The following TMEFF2 variants were observed in gnomAD, a reference collection of about 807,000 sequenced individuals.
The protein encoded by TMEFF2 is transmembrane protein with EGF like and two follistatin like domains 2, also known as tomoregulin-2.
A neutral mutation model predicts 53.8 loss-of-function variants in TMEFF2; 28 were observed. That is an observed-to-expected ratio of 0.52 (90% CI 0.39 to 0.71). TMEFF2 has a LOEUF of 0.71. Among genes scored for constraint, TMEFF2 ranks in the 30% least tolerant of loss-of-function variants. TMEFF2 has a pLI of 0.00. For missense variants in TMEFF2, 353 were observed against 455.2 expected, an observed-to-expected ratio of 0.78 and a Z score of 2.04; for synonymous variants, 162 against 166.3, an observed-to-expected ratio of 0.97 and a Z score of 0.20.
At chr2:191,961,339 C>T (rs978079225) in intron 7 of TMEFF2, among the ~76,000 whole-genome samples, 3 of 152,130 alleles carry the variant, frequency 2.0e-5, no homozygotes, top group Admixed American at 6.6e-5. Context: ...TTTCAACTAT[C>T]TTTTGCTGTT....
At chr2:192,108,573 C>T (rs1273717196) in intron 4 of TMEFF2, among the ~76,000 whole-genome samples, 2 of 151,720 alleles carry the variant, frequency 1.3e-5, no homozygotes, top group Non-Finnish European at 2.9e-5. Context: ...GAAAAATTAA[C>T]AATGAGAGGA....
chr2:191,971,353 A>T (rs1269822955), intron 7 of TMEFF2, among the ~76,000 whole-genome samples: 1 of 152,216 alleles, frequency 6.6e-6, no homozygotes, highest in Non-Finnish European at 1.5e-5. Context: ...ATTTGGAGAG[A>T]GTCAAACTTC....
intron 7 of TMEFF2, among the ~76,000 whole-genome samples, chr2:191,984,865 T>TTA (rs955100960): frequency 6.6e-6 from 1 of 151,956 alleles, no homozygotes; most frequent in Non-Finnish European, 1.5e-5. Context: ...ATTTGAAGCT[T>TTA]TATATATATA....
intron 4 of TMEFF2, among the ~76,000 whole-genome samples, chr2:192,154,681 C>G (rs1209825997): frequency 6.6e-6 from 1 of 151,902 alleles, no homozygotes; most frequent in Non-Finnish European, 1.5e-5. Flanking sequence ...GTTCTTTTCT[C>G]TCTTTTCTCT....
At chr2:192,087,027 A>G (rs2105930719) in intron 4 of TMEFF2, among the ~76,000 whole-genome samples, 1 of 150,488 alleles carries the variant, frequency 6.6e-6, no homozygotes, top group East Asian at 1.9e-4. Context: ...AGATATTTGT[A>G]TTTAATATAT....
At chr2:192,100,086 T>TA (rs1349215133) in intron 4 of TMEFF2, among the ~76,000 whole-genome samples, 9 of 152,298 alleles carry the variant, frequency 5.9e-5, no homozygotes, top group African/African-American at 1.7e-4. Context: ...TGAAATTCAA[T>TA]AAGCCTTTTC....
chr2:191,997,329 TCAGATCTCTATA>T (rs201046111), intron 7 of TMEFF2, among the ~76,000 whole-genome samples: 1,585 of 151,966 alleles, frequency 0.01, 30 homozygotes, highest in African/African-American at 0.037. Context: ...CTAAGAGATT[TCAGATCTCTATA>T]TTAACTAATT....
chr2:191,996,746 T>G (rs979412181), intron 7 of TMEFF2, among the ~76,000 whole-genome samples: 3 of 151,922 alleles, frequency 2.0e-5, no homozygotes, highest in African/African-American at 7.2e-5. Context: ...AAAAAATTGT[T>G]GATTTTTTTT....
chr2:192,115,373 C>T (rs1046228024), intron 4 of TMEFF2, among the ~76,000 whole-genome samples: 1 of 151,848 alleles, frequency 6.6e-6, no homozygotes, highest in Non-Finnish European at 1.5e-5. Context: ...CAGTAAAATT[C>T]CTACAAGAAA....
At chr2:191,956,116 G>T in intron 8 of TMEFF2, 139 bp downstream of exon 8, 4 of 820,274 alleles carry the variant, frequency 4.9e-6, no homozygotes, top group Non-Finnish European at 7.4e-6. Flanking sequence ...GTGTATGCAT[G>T]CACAGGAGGA....
chr2:192,136,862 CT>C (rs1316747689), intron 4 of TMEFF2, among the ~76,000 whole-genome samples: 1 of 152,160 alleles, frequency 6.6e-6, no homozygotes, highest in African/African-American at 2.4e-5. Flanking sequence ...CTCCAGGGGC[CT>C]TTCATCTAAA....
intron 9 of TMEFF2, among the ~76,000 whole-genome samples, chr2:191,950,893 TATC>T (rs1366277146): frequency 2.0e-5 from 3 of 152,244 alleles, no homozygotes; most frequent in Non-Finnish European, 2.9e-5. Context: ...ACCAGCCTAA[TATC>T]ATTTTTGTAC....
At chr2:192,043,374 G>A (rs530123135) in intron 5 of TMEFF2, among the ~76,000 whole-genome samples, 2 of 152,230 alleles carry the variant, frequency 1.3e-5, no homozygotes, top group South Asian at 4.1e-4. Flanking sequence ...AAAGGGCCCT[G>A]GTACAGTGCC....
At chr2:192,034,647 T>C (rs1283768069) in intron 5 of TMEFF2, 1 of 152,250 alleles carries the variant, frequency 6.6e-6, no homozygotes, top group Non-Finnish European at 1.5e-5. Flanking sequence ...TCCTACTTTA[T>C]AATTTTGGTT....
chr2:192,114,223 G>A (rs1286802092), intron 4 of TMEFF2, among the ~76,000 whole-genome samples: 1 of 151,422 alleles, frequency 6.6e-6, no homozygotes, highest in East Asian at 1.9e-4. Flanking sequence ...TGATCCAAAA[G>A]AATCATATTA....
At chr2:192,068,224 C>T (rs912525768) in intron 4 of TMEFF2, among the ~76,000 whole-genome samples, 13 of 151,876 alleles carry the variant, frequency 8.6e-5, no homozygotes, top group African/African-American at 2.4e-4. Flanking sequence ...CACTCTAAGG[C>T]GTTATCATTA....
At chr2:192,043,045 C>T (rs1432560605) in intron 5 of TMEFF2, among the ~76,000 whole-genome samples, 1 of 152,128 alleles carries the variant, frequency 6.6e-6, no homozygotes, top group Non-Finnish European at 1.5e-5. Context: ...GGTCTCAGGG[C>T]AGCAGGGGCC....
intron 4 of TMEFF2, among the ~76,000 whole-genome samples, chr2:192,106,553 GTTAA>G (rs546140987): frequency 6.3e-4 from 95 of 151,742 alleles, no homozygotes; most frequent in African/African-American, 2.0e-3. Flanking sequence ...TTACCCATGT[GTTAA>G]TTATTTTCTT....
At chr2:191,986,555 T>C (rs1685979848) in intron 7 of TMEFF2, among the ~76,000 whole-genome samples, 1 of 46,016 alleles carries the variant, frequency 2.2e-5, no homozygotes, top group Admixed American at 3.8e-4. Context: ...GGGACAACTA[T>C]CTTTTTTTTT....
Sources: allele counts gnomAD v4.1 joint callset (sites outside exome capture counted in the v4.1 genomes callset), GRCh38; gene constraint gnomAD v4.1.1; transcripts MANE v1.5; gene names NCBI Gene and HGNC (gene_info 2026-07-23, HGNC 2026-07-21).